CNOT9: variants seen among roughly 807,000 people sequenced by gnomAD.
CNOT9 encodes RCD1 required for cell differentiation1 homolog.
Under a neutral mutation model 37.4 loss-of-function variants are expected in CNOT9, and 8 were observed. The ratio of observed to expected loss-of-function variants is 0.21; its 90% CI spans 0.13 to 0.39. The LOEUF is 0.39. Among genes scored for constraint, CNOT9 ranks in the 10% least tolerant of loss-of-function variants. CNOT9 has a pLI of 1.00. For synonymous variants in CNOT9, 120 were observed against 137.6 expected (o/e 0.87, Z 0.90); for missense variants, 154 against 365.3 (o/e 0.42, Z 4.71).
At position 218,592,689 on chromosome 2, in the gene CNOT9, G is replaced by A. The variant is rs1694819178; in HGVS notation, c.713G>A (p.Arg238Gln). 3 of 1,613,784 alleles carry A rather than the reference G, an allele frequency of 1.9e-6. No individual in the cohort carries two copies. The highest frequency in any genetic ancestry group is 2.5e-6 in the Non-Finnish European group (3 of 1,179,842). The part of the protein sequence containing the change: ...LLKHVVRCYL[R>Q]LSDNPRAREA... ...AAGCATGTAGTGAGATGTTACCTTC[G>A]ACTTTCAGATAACCCCAGGTAAACA... Residue 238 changes from arginine (R) to glutamine (Q), a missense_variant, in exon 7 of 8, where the codon CGA (arginine) becomes CAA (glutamine). Physicochemically the swap from Arg to Gln is conservative, Grantham distance 43. This residue lies in a region of CNOT9 where 117 missense variants were observed against 325.4 expected (regional missense o/e 0.36). Coordinates refer to ENST00000273064, the MANE Select transcript of CNOT9 (RefSeq NM_005444.3). This position sits in a 1 kb window ranked among gnomAD's most constrained non-coding sequence, Gnocchi z 4.1.
At chr2:218,570,470 A>G (rs1693950269) in intron 1 of CNOT9, among the ~76,000 whole-genome samples, 1 of 152,230 alleles carries the variant, frequency 6.6e-6, no homozygotes, top group African/African-American at 2.4e-5. Context: ...GTTTGTAACT[A>G]TTCAATGTAG....
chr2:218,585,434 G>A (rs1183717527), intron 4 of CNOT9, among the ~76,000 whole-genome samples: 2 of 151,400 alleles, frequency 1.3e-5, no homozygotes, highest in East Asian at 1.9e-4. Flanking sequence ...TCAGCCGGGC[G>A]TGGTGGCATG....
chr2:218,592,747 T>A lies in CNOT9; in HGVS notation c.731+40T>A. 6.6e-7 allele frequency: 1 copy of A among 1,509,018 alleles called. No individual in the cohort carries two copies. The highest frequency in any genetic ancestry group is 9.2e-7 in the Non-Finnish European group (1 of 1,084,300). The allele number at this position is 1,509,018 out of a possible 1,614,324, so 93.5% of individuals were successfully genotyped here. On this transcript the variant is annotated intron_variant, in intron 7 of 7. Transcript: ENST00000273064. This position sits in a 1 kb window ranked among gnomAD's most constrained non-coding sequence, Gnocchi z 4.1. ...GATGTATAGGACTTTAGGGAAATACTCTGCTGAACAGTTTCCTAATCTCAT... is the reference window on the plus strand; with the variant it reads ...GATGTATAGGACTTTAGGGAAATACACTGCTGAACAGTTTCCTAATCTCAT...
At chr2:218,583,265 C>G (rs866913615) in intron 3 of CNOT9, among the ~76,000 whole-genome samples, 179 bp downstream of exon 3, 78 of 129,732 alleles carry the variant, frequency 6.0e-4, no homozygotes, top group African/African-American at 2.3e-3. Flanking sequence ...CTCTCTCTCT[C>G]TCTCTCTCTC....
intron 2 of CNOT9, among the ~76,000 whole-genome samples, chr2:218,582,460 A>T (rs1194159075): frequency 6.6e-6 from 1 of 152,136 alleles, no homozygotes; most frequent in Non-Finnish European, 1.5e-5. Context: ...GGAGGCCGAG[A>T]CGGGCAGATC....
intron 3 of CNOT9, 133 bp downstream of exon 3, chr2:218,583,219 GTGTGTGTGTGTGTGTCTCTCTCTCTCTC>G (rs1418672095): frequency 1.6e-4 from 60 of 385,046 alleles, no homozygotes; most frequent in Admixed American, 1.2e-3. Flanking sequence ...GTGTGTGTGT[GTGTGTGTGTGTGTGTCTCTCTCTCTCTC>G]TCTCTCTCTC....
chr2:218,569,035 G>T, intron 1 of CNOT9, 57 bp downstream of exon 1: 1 of 1,593,264 alleles, frequency 6.3e-7, no homozygotes, highest in Non-Finnish European at 8.6e-7. Context: ...CCCACGTTTC[G>T]GCCTTCTCTC....
chr2:218,584,861 A>G (rs1248659569), intron 4 of CNOT9, 140 bp downstream of exon 4: 1 of 670,092 alleles, frequency 1.5e-6, no homozygotes, highest in African/African-American at 1.8e-5. Context: ...CTAATCAATA[A>G]GTATCAGGAA....
chr2:218,569,728 C>G (rs1456898939), intron 1 of CNOT9, among the ~76,000 whole-genome samples: 1 of 152,168 alleles, frequency 6.6e-6, no homozygotes, highest in African/African-American at 2.4e-5. Context: ...TATTTTTCTC[C>G]AAGATGCACT....
rs971698241 is a variant in CNOT9, at chr2:218,596,204, A to G, written c.*1928A>G. 6.6e-6 allele frequency: 1 copy of G among 152,126 alleles called. No individual in the cohort carries two copies. The highest frequency in any genetic ancestry group is 1.5e-5 in the Non-Finnish European group (1 of 68,030). The allele number at this position is 152,126 out of a possible 1,614,324, so 9.4% of individuals were successfully genotyped here. On this transcript the variant is annotated 3_prime_UTR_variant, in exon 8 of 8. Coordinates refer to ENST00000273064, the MANE Select transcript of CNOT9 (RefSeq NM_005444.3). ...TTCTCTTCTCTCCATCTTTCGGTGC[A>G]TTGGCCATGTTACTGTGCCAAAGTG...
At chr2:218,578,497 A>T (rs1694250239) in intron 1 of CNOT9, among the ~76,000 whole-genome samples, 1 of 152,208 alleles carries the variant, frequency 6.6e-6, no homozygotes, top group African/African-American at 2.4e-5. Flanking sequence ...TGTCAAGCTA[A>T]GATCTTTTGG....
intron 1 of CNOT9, 152 bp from the exon 2 acceptor site, chr2:218,580,409 C>T: frequency 1.7e-6 from 1 of 605,160 alleles, no homozygotes; most frequent in Non-Finnish European, 2.8e-6. Flanking sequence ...CAGTAACTAC[C>T]AAAGAGATTG....
At position 218,594,478 on chromosome 2, in the gene CNOT9, A is replaced by G; in HGVS notation, c.*202A>G. ...CTTGAGGACCTGGGCTCCCTCTGCT[A>G]CTCCCAGGAAATGGGCTCCTGACAC... On this transcript the variant is annotated 3_prime_UTR_variant, in exon 8 of 8. Coordinates refer to ENST00000273064, the MANE Select transcript of CNOT9 (RefSeq NM_005444.3). 1 of 580,556 alleles carries G rather than the reference A, an allele frequency of 1.7e-6. No individual in the cohort carries two copies. The highest frequency in any genetic ancestry group is 3.0e-6 in the Non-Finnish European group (1 of 337,050). The allele number at this position is 580,556 out of a possible 1,614,324, so 36.0% of individuals were successfully genotyped here.
intron 3 of CNOT9, among the ~76,000 whole-genome samples, chr2:218,583,843 T>G (rs1694498213): frequency 6.6e-6 from 1 of 152,232 alleles, no homozygotes; most frequent in Non-Finnish European, 1.5e-5. Context: ...TTCTACAAGG[T>G]GTAACTATAA....
chr2:218,593,502 A>C (rs1251762175), intron 7 of CNOT9: 15 of 1,400,210 alleles, frequency 1.1e-5, no homozygotes, highest in Non-Finnish European at 1.3e-5. Flanking sequence ...ATAGCTCTAC[A>C]CATAGTTAAC....
chr2:218,572,689 T>C (rs1350491109), intron 1 of CNOT9: 5 of 985,338 alleles, frequency 5.1e-6, no homozygotes, highest in Non-Finnish European at 6.0e-6. Context: ...ATGGATGTTA[T>C]GCTTGTGAAA....
intron 5 of CNOT9, among the ~76,000 whole-genome samples, chr2:218,589,755 A>G (rs1293706263): frequency 6.6e-6 from 1 of 152,188 alleles, no homozygotes; most frequent in Non-Finnish European, 1.5e-5. Context: ...CAGTCTTCCC[A>G]CTTCCCTCTC....
chr2:218,596,379 C>T lies in CNOT9; in HGVS notation c.*2103C>T, dbSNP rs559379865. 10 of 152,258 alleles carry T rather than the reference C, an allele frequency of 6.6e-5. No individual in the cohort carries two copies. In the East Asian group the frequency reaches 1.9e-3, roughly 29 times the overall value. 9.4% of individuals were successfully genotyped at this position (152,258 alleles called of 1,614,324 possible). A position where few individuals can be genotyped will look rare whatever the true frequency, so the allele number is the denominator to read the frequency against. On this transcript the variant is annotated 3_prime_UTR_variant, in exon 8 of 8. Coordinates refer to ENST00000273064, the MANE Select transcript of CNOT9 (RefSeq NM_005444.3). The stretch of plus-strand genomic sequence containing the variant: ...CCTCCCCTTATTTTGTGTTTTCCAT[C>T]CCTCTCCCTTAACAGGATTGAAATA...
chr2:218,586,770 G>A (rs1307906932), intron 4 of CNOT9, among the ~76,000 whole-genome samples: 1 of 152,142 alleles, frequency 6.6e-6, no homozygotes, highest in Non-Finnish European at 1.5e-5. Flanking sequence ...GATTACAGGT[G>A]TGAGCCACTG....
Sources: allele counts gnomAD v4.1 joint callset (sites outside exome capture counted in the v4.1 genomes callset), GRCh38; gene constraint gnomAD v4.1.1; regional missense constraint gnomAD v4.1.1; non-coding constraint Gnocchi (gnomAD v3.1); transcripts MANE v1.5; gene names NCBI Gene and HGNC (gene_info 2026-07-23, HGNC 2026-07-21).